CRYBA4: variants seen among roughly 807,000 people sequenced by gnomAD.
The protein encoded by CRYBA4 is beta-crystallin A4.
CRYBA4 carries 30 observed loss-of-function variants against 31.7 expected under a neutral mutation model. That is an observed-to-expected ratio of 0.95 (90% CI 0.71 to 1.28). CRYBA4 has a LOEUF of 1.28. Ranked by LOEUF, CRYBA4 falls within the 50% of genes most tolerant of loss-of-function variation. The pLI, the probability that CRYBA4 is intolerant of heterozygous loss-of-function variation, is 0.00. For missense variants in CRYBA4, 225 were observed against 260.7 expected (o/e 0.86, Z 0.94); for synonymous variants, 102 against 102.3 (o/e 1.00, Z 0.02).
At chr22:26,614,592 CG>C in the CRYBA4 span, among the ~76,000 whole-genome samples, 1 of 151,970 alleles carries the variant, frequency 6.6e-6, no homozygotes, top group African/African-American at 2.4e-5. Flanking sequence ...AATGAATGGC[CG>C]GCAGTCATGC....
upstream of CRYBA4, among the ~76,000 whole-genome samples, chr22:26,620,916 G>A (rs539110253): frequency 5.1e-4 from 78 of 152,248 alleles, no homozygotes; most frequent in African/African-American, 1.8e-3. Flanking sequence ...GGAAACTGGT[G>A]TGGCCACTTT....
chr22:26,593,614 CT>C, the CRYBA4 span, among the ~76,000 whole-genome samples: 27 of 151,312 alleles, frequency 1.8e-4, no homozygotes, highest in African/African-American at 6.6e-4. Context: ...CAACCTCCGC[CT>C]CCTGGGTCCA....
At chr22:26,627,488 TTTTCTTTC>T (rs201917169) in intron 4 of CRYBA4, among the ~76,000 whole-genome samples, 27,078 of 81,600 alleles carry the variant, frequency 0.33, 5,355 homozygotes, top group Admixed American at 0.43. Context: ...CTTTCTTTCC[TTTTCTTTC>T]TTTCTTTCTT....
At chr22:26,600,501 G>T in the CRYBA4 span, among the ~76,000 whole-genome samples, 1 of 152,308 alleles carries the variant, frequency 6.6e-6, no homozygotes, top group East Asian at 1.9e-4. Context: ...TCAAATCCTA[G>T]CTCTGCCATT....
the CRYBA4 span, among the ~76,000 whole-genome samples, chr22:26,601,598 T>G: frequency 7.7e-6 from 1 of 129,292 alleles, no homozygotes; most frequent in Non-Finnish European, 1.7e-5. Context: ...TTTAGTTGAT[T>G]ACTCCTTCAA....
At chr22:26,601,848 G>A in the CRYBA4 span, 1 of 1,611,430 alleles carries the variant, frequency 6.2e-7, no homozygotes, top group Non-Finnish European at 8.5e-7. Flanking sequence ...CTTGAAGCAG[G>A]GGACGCGGAC....
intron 3 of CRYBA4, among the ~76,000 whole-genome samples, chr22:26,624,985 T>C (rs1178443414): frequency 1.3e-5 from 2 of 152,178 alleles, no homozygotes; most frequent in African/African-American, 4.8e-5. Context: ...GAGATGGCCA[T>C]GCGGTCGCTC....
the CRYBA4 span, among the ~76,000 whole-genome samples, chr22:26,601,075 TG>T: frequency 1.3e-5 from 2 of 152,124 alleles, no homozygotes; most frequent in Non-Finnish European, 2.9e-5. Context: ...ATGGCTTGAA[TG>T]GCAGGGATAT....
At chr22:26,630,192 G>T in intron 5 of CRYBA4, 148 bp from the exon 6 acceptor site, 2 of 976,220 alleles carry the variant, frequency 2.0e-6, no homozygotes, top group South Asian at 2.8e-5. Context: ...AGGCCCTGTG[G>T]TAGGGGAGAG....
intron 4 of CRYBA4, among the ~76,000 whole-genome samples, chr22:26,627,506 TTCTTTCTTTCTTTCTTTC>T (rs1231062425): frequency 7.6e-6 from 1 of 131,894 alleles, no homozygotes; most frequent in Non-Finnish European, 1.6e-5. Context: ...CTTTCTTTCT[TTCTTTCTTTCTTTCTTTC>T]TCTTTCTTTC....
the CRYBA4 span, among the ~76,000 whole-genome samples, chr22:26,602,516 A>G: frequency 6.6e-6 from 1 of 151,862 alleles, no homozygotes; most frequent in Non-Finnish European, 1.5e-5. Context: ...GCTTGAGCCC[A>G]GGAAGTTGAG....
At chr22:26,598,556 G>A in the CRYBA4 span, among the ~76,000 whole-genome samples, 2 of 151,366 alleles carry the variant, frequency 1.3e-5, no homozygotes, top group African/African-American at 4.9e-5. Flanking sequence ...GTTAACTTTT[G>A]GAATTTTTGT....
At chr22:26,596,440 T>TA in the CRYBA4 span, among the ~76,000 whole-genome samples, 1 of 152,218 alleles carries the variant, frequency 6.6e-6, no homozygotes, top group Non-Finnish European at 1.5e-5. Flanking sequence ...ATTTCTAGTA[T>TA]GTTTACCTTT....
the CRYBA4 span, among the ~76,000 whole-genome samples, chr22:26,600,593 C>T: frequency 6.6e-6 from 1 of 152,132 alleles, no homozygotes; most frequent in East Asian, 1.9e-4. Flanking sequence ...GATAATGCAC[C>T]CACCTCCTTG....
chr22:26,592,515 A>C, the CRYBA4 span, among the ~76,000 whole-genome samples: 8 of 152,212 alleles, frequency 5.3e-5, no homozygotes, highest in African/African-American at 1.9e-4. Context: ...TGGTCACAGA[A>C]TCTAGCAGGT....
chr22:26,610,928 C>T, the CRYBA4 span, among the ~76,000 whole-genome samples: 1 of 152,178 alleles, frequency 6.6e-6, no homozygotes. Context: ...ATGACTGGAA[C>T]CCTTGCAGGC....
intron 3 of CRYBA4, among the ~76,000 whole-genome samples, chr22:26,624,047 A>G (rs4820692): frequency 0.38 from 57,822 of 152,148 alleles, 11,636 homozygotes; most frequent in Middle Eastern, 0.53. Context: ...TTAGCTACAT[A>G]TGGCCAGTGG....
chr22:26,628,138 T>G, intron 4 of CRYBA4, 150 bp from the exon 5 acceptor site: 2 of 967,378 alleles, frequency 2.1e-6, no homozygotes, highest in Non-Finnish European at 3.2e-6. Flanking sequence ...AATGGCAAGG[T>G]TTCTGGTACC....
rs558158579 is a variant in CRYBA4 at position 26,630,196 on chromosome 22, G to A, written c.444-144G>A. 3.8e-5 allele frequency: 39 copies of A among 1,013,174 alleles called. 1 individual carries two copies. The South Asian group carries it at 4.3e-4, about 11-fold the overall frequency. The allele number at this position is 1,013,174 out of a possible 1,614,324, so 62.8% of individuals were successfully genotyped here. A position where few individuals can be genotyped will look rare whatever the true frequency, so the allele number is the denominator to read the frequency against. ...GGCATGATCAAAGGCCCTGTGGTAG[G>A]GGAGAGAGCATGGCACATTGTGAGC... is the stretch of plus-strand genomic sequence containing the variant. On this transcript the variant is annotated intron_variant, in intron 5 of 5. Transcript: ENST00000354760.
Sources: gnomAD v4.1 joint callset for allele counts (sites outside exome capture counted in the v4.1 genomes callset) on GRCh38, gnomAD v4.1.1 for gene constraint, MANE v1.5 for transcripts, NCBI Gene and HGNC (gene_info 2026-07-23, HGNC 2026-07-21) for gene names.